RCC1L: variants seen among roughly 807,000 people sequenced by gnomAD.
RCC1L encodes RCC1 like.
Under a neutral mutation model 58.6 loss-of-function variants are expected in RCC1L, and 46 were observed. That is an observed-to-expected ratio of 0.79 (90% CI 0.62 to 1.00). The LOEUF (loss-of-function observed/expected upper bound fraction) is 1.00, where lower values mean the gene tolerates loss of function less well. RCC1L is among the 50% of genes least tolerant of loss of function. RCC1L has a pLI of 0.00. For missense variants in RCC1L, 636 were observed against 623.6 expected, an observed-to-expected ratio of 1.02 and a Z score of -0.21; for synonymous variants, 281 against 262.9, an observed-to-expected ratio of 1.07 and a Z score of -0.67.
intron 1 of RCC1L, among the ~76,000 whole-genome samples, chr7:75,071,556 C>T (rs1256391840): frequency 1.3e-5 from 2 of 152,102 alleles, no homozygotes; most frequent in Non-Finnish European, 2.9e-5. Flanking sequence ...AGGAGAAGTG[C>T]TTGAACCTGG....
Position 75,063,158 on chromosome 7 carries a change from T to C in RCC1L, c.702+134A>G, listed in dbSNP as rs1014476735. 6.6e-5 allele frequency: 65 copies of C among 988,464 alleles called. No homozygotes were observed. The Admixed American group carries it at 9.4e-4, about 14-fold the overall frequency. The allele number at this position is 988,464 out of a possible 1,614,324, so 61.2% of individuals were successfully genotyped here. On this transcript the variant is annotated intron_variant, in intron 5 of 10. Coordinates refer to ENST00000610322, the MANE Select transcript of RCC1L (RefSeq NM_030798.5). ...AGCATAAATCCTGGCCTATAGTAAG[T>C]AGGCTACAATTTTTACTAAAATAAT...
At chr7:75,061,581 C>T (rs1050656885) in intron 5 of RCC1L, among the ~76,000 whole-genome samples, 4 of 152,156 alleles carry the variant, frequency 2.6e-5, no homozygotes, top group Non-Finnish European at 5.9e-5. Context: ...CCCTTCTCCT[C>T]CCAGCCCTCT....
At chr7:75,038,075 T>C (rs890270946), downstream of RCC1L, among the ~76,000 whole-genome samples, 20 of 152,306 alleles carry the variant, frequency 1.3e-4, no homozygotes, top group South Asian at 4.1e-4. Flanking sequence ...GACAGGTGCC[T>C]GGTGCACGAT....
At chr7:75,028,332 G>T (rs1346952920) in intron 10 of RCC1L, among the ~76,000 whole-genome samples, 1 of 151,984 alleles carries the variant, frequency 6.6e-6, no homozygotes, top group Admixed American at 6.6e-5. Context: ...TGTTGGCCAC[G>T]CTGGTCTTGA....
intron 1 of RCC1L, 48 bp from the exon 2 acceptor site, chr7:75,070,817 T>C (rs1806700358): frequency 6.2e-7 from 1 of 1,608,834 alleles, no homozygotes. Flanking sequence ...AATGTCAAGT[T>C]TGTTCAGTAG....
intron 10 of RCC1L, among the ~76,000 whole-genome samples, chr7:75,031,775 G>A (rs1805312530): frequency 6.6e-6 from 1 of 152,144 alleles, no homozygotes; most frequent in Non-Finnish European, 1.5e-5. Context: ...CATTTTCTGT[G>A]GGTCAGGAAT....
intron 2 of RCC1L, among the ~76,000 whole-genome samples, chr7:75,070,051 C>A (rs1806662127): frequency 6.6e-6 from 1 of 152,210 alleles, no homozygotes; most frequent in Non-Finnish European, 1.5e-5. Context: ...CAGAGTACTT[C>A]ACGCTGTCTG....
chr7:75,028,281 C>G (rs888411767), intron 10 of RCC1L, among the ~76,000 whole-genome samples: 1 of 151,984 alleles, frequency 6.6e-6, no homozygotes, highest in Non-Finnish European at 1.5e-5. Context: ...CCACCACACG[C>G]GGCTAATTTT....
downstream of RCC1L, among the ~76,000 whole-genome samples, chr7:75,038,622 G>A (rs1418775800): frequency 6.6e-6 from 1 of 151,796 alleles, no homozygotes; most frequent in Non-Finnish European, 1.5e-5. Flanking sequence ...CCAGGCAGGG[G>A]TGGAGGAAGT....
In RCC1L at chr7:75,056,529, T is replaced by C. The variant is rs916163137; in HGVS notation, c.1058-455A>G. On this transcript the variant is annotated intron_variant, in intron 8 of 10. Coordinates refer to ENST00000610322, the MANE Select transcript of RCC1L (RefSeq NM_030798.5). ...GAAATGATGTTTTGGTTATAGAAAGTTTAATATTCATCAGTGGTGCCAGAT... is the reference window on the plus strand; with the variant it reads ...GAAATGATGTTTTGGTTATAGAAAGCTTAATATTCATCAGTGGTGCCAGAT... 24 of 1,517,990 alleles carry C rather than the reference T, an allele frequency of 1.6e-5. No homozygotes were observed. The Admixed American group carries it at 4.8e-4, about 30-fold the overall frequency. 94.0% of individuals were successfully genotyped at this position (1,517,990 alleles called of 1,614,324 possible).
chr7:75,052,486 C>T (rs1805942384), intron 10 of RCC1L, among the ~76,000 whole-genome samples: 2 of 152,354 alleles, frequency 1.3e-5, no homozygotes, highest in Admixed American at 1.3e-4. Flanking sequence ...GGTGTCACTC[C>T]CCCACGCATC....
chr7:75,061,418 C>A (rs1806276890), intron 5 of RCC1L, 127 bp from the exon 6 acceptor site: 1 of 781,528 alleles, frequency 1.3e-6, no homozygotes, highest in African/African-American at 1.7e-5. Flanking sequence ...AGGCAGACTG[C>A]TCCATGCTCA....
In RCC1L at chr7:75,069,103, G is replaced by A. The variant is rs35403968; in HGVS notation, c.454+1537C>T. 6.3e-3 allele frequency among the ~76,000 whole-genome samples: 954 copies of A among 152,200 alleles called. 20 individuals carry two copies. The highest frequency in any genetic ancestry group is 0.048 in the East Asian group (245 of 5,156). ...AGGCTGGTCTCAAACTTCTGATCTC[G>A]TGATCCACCCGCCTCGGCCTCCCAA... On this transcript the variant is annotated intron_variant, in intron 2 of 10. Coordinates refer to ENST00000610322, the MANE Select transcript of RCC1L (RefSeq NM_030798.5).
At chr7:75,038,480 C>T (rs1805476291), downstream of RCC1L, among the ~76,000 whole-genome samples, 1 of 150,742 alleles carries the variant, frequency 6.6e-6, no homozygotes, top group African/African-American at 2.4e-5. Context: ...GTCACCCAGG[C>T]TGGAGTGCAG....
chr7:75,056,390 A>G, intron 8 of RCC1L: 1 of 937,390 alleles, frequency 1.1e-6, no homozygotes, highest in Non-Finnish European at 1.5e-6. Context: ...GAAAACCCAT[A>G]CGAATACCAG....
At position 75,073,588 on chromosome 7, in the gene RCC1L, G is replaced by A; in HGVS notation, c.150C>T (p.Tyr50=). The A allele has an allele frequency of 2.0e-6, 3 of 1,530,604 alleles. No homozygotes were observed. Among genetic ancestry groups the A allele is most frequent in the Non-Finnish European group, 2.6e-6 (3 of 1,149,740 alleles). 94.8% of individuals were successfully genotyped at this position (1,530,604 alleles called of 1,614,324 possible). A position where few individuals can be genotyped will look rare whatever the true frequency, so the allele number is the denominator to read the frequency against. Residue 50 remains tyrosine (Y), a synonymous_variant, in exon 1 of 11, where the codon TAC becomes TAT. Transcript: ENST00000610322. ...EAEAEVPVVQ[Y]VGERAARADR... ...CGGCGCGGGCAGCGCGCTCGCCCAC[G>A]TACTGGACCACGGGCACCTCCGCCT...
At chr7:75,071,855 C>T (rs1197245000) in intron 1 of RCC1L, among the ~76,000 whole-genome samples, 4 of 151,614 alleles carry the variant, frequency 2.6e-5, no homozygotes, top group African/African-American at 4.8e-5. Context: ...GAAGACTAAA[C>T]GAGTTAATAT....
At chr7:75,069,377 T>C (rs1236678240) in intron 2 of RCC1L, among the ~76,000 whole-genome samples, 1 of 151,614 alleles carries the variant, frequency 6.6e-6, no homozygotes, top group Non-Finnish European at 1.5e-5. Context: ...TCGTTTTTCA[T>C]TTCTTTTTTT....
In RCC1L at chr7:75,058,572, G is replaced by A. The variant is rs1806156195; in HGVS notation, c.969+16C>T. On this transcript the variant is annotated intron_variant, in intron 7 of 10. Coordinates refer to ENST00000610322, the MANE Select transcript of RCC1L (RefSeq NM_030798.5). Reference sequence around the variant, plus strand: ...TTTCCAAACCTCCCAGCACCACGCTGTCGGCGACTGCATACCTGTGTGGAG... The same window carrying A: ...TTTCCAAACCTCCCAGCACCACGCTATCGGCGACTGCATACCTGTGTGGAG... 9 of 1,583,496 alleles carry A rather than the reference G, an allele frequency of 5.7e-6. No individual in the cohort carries two copies.
Sources: allele counts gnomAD v4.1 joint callset (sites outside exome capture counted in the v4.1 genomes callset), GRCh38; gene constraint gnomAD v4.1.1; transcripts MANE v1.5; gene names NCBI Gene and HGNC (gene_info 2026-07-23, HGNC 2026-07-21).